The following ST6GALNAC3 variants were observed in gnomAD, a reference collection of about 807,000 sequenced individuals.
ST6GALNAC3 encodes the protein alpha-N-acetylgalactosaminide alpha-2,6-sialyltransferase 3.
Under a neutral mutation model 32.7 loss-of-function variants are expected in ST6GALNAC3, and 25 were observed. The observed-to-expected ratio is 0.76, with a 90% CI of 0.56 to 1.07. ST6GALNAC3 has a LOEUF of 1.07. ST6GALNAC3 is among the 50% of genes least tolerant of loss of function. The pLI, the probability that ST6GALNAC3 is intolerant of heterozygous loss-of-function variation, is 0.00. For missense variants in ST6GALNAC3, 355 were observed against 382.4 expected (o/e 0.93, Z 0.60); for synonymous variants, 129 against 133.1 (o/e 0.97, Z 0.21).
chr1:76,382,629 C>G (rs1332675739), intron 2 of ST6GALNAC3, among the ~76,000 whole-genome samples: 1 of 152,200 alleles, frequency 6.6e-6, no homozygotes, highest in Non-Finnish European at 1.5e-5. Flanking sequence ...ACTTCTGGTG[C>G]TGGTCCCTGA....
chr1:76,600,700 T>TTA (rs1401399020), intron 3 of ST6GALNAC3, among the ~76,000 whole-genome samples: 1 of 152,236 alleles, frequency 6.6e-6, no homozygotes, highest in Non-Finnish European at 1.5e-5. Context: ...GTCAAGGTTA[T>TTA]TATAAAATAA....
intron 1 of ST6GALNAC3, among the ~76,000 whole-genome samples, chr1:76,219,957 T>G (rs1570476517): frequency 6.6e-6 from 1 of 152,218 alleles, no homozygotes; most frequent in African/African-American, 2.4e-5. Flanking sequence ...CTCGTGGTGG[T>G]TGTTATAGAG....
chr1:76,364,888 T>G (rs148292727), intron 2 of ST6GALNAC3, among the ~76,000 whole-genome samples: 2 of 152,318 alleles, frequency 1.3e-5, no homozygotes, highest in East Asian at 3.9e-4. Context: ...GGAATGCAAC[T>G]TAGTTCAGGC....
intron 3 of ST6GALNAC3, among the ~76,000 whole-genome samples, chr1:76,617,981 A>C (rs888587777): frequency 2.0e-5 from 3 of 152,196 alleles, no homozygotes; most frequent in Non-Finnish European, 4.4e-5. Flanking sequence ...AAGTTCTAAA[A>C]TGTGTTTTGA....
Position 76,470,026 on chromosome 1 carries a change from G to A in ST6GALNAC3, c.623+57609G>A, listed in dbSNP as rs538949412. On this transcript the variant is annotated intron_variant, in intron 3 of 4. Coordinates refer to ENST00000328299, the MANE Select transcript of ST6GALNAC3 (RefSeq NM_152996.4). ...TTCAACTACTAAATAAATATCATTA[G>A]TATTATGACTTTAATTGAAGACCAA... is the stretch of plus-strand genomic sequence containing the variant. Among the ~76,000 whole-genome samples the A allele has an allele frequency of 1.2e-4, 18 of 152,110 alleles. No individual in the cohort carries two copies. In the South Asian group the frequency reaches 2.1e-3, roughly 18 times the overall value.
intron 3 of ST6GALNAC3, among the ~76,000 whole-genome samples, chr1:76,448,819 A>G (rs1043535490): frequency 1.7e-4 from 26 of 151,962 alleles, no homozygotes; most frequent in Admixed American, 1.4e-3. Context: ...GCTTTTTCCT[A>G]TATAAATTAC....
chr1:76,165,197 G>A (rs1377081018), intron 1 of ST6GALNAC3, among the ~76,000 whole-genome samples: 2 of 152,054 alleles, frequency 1.3e-5, no homozygotes, highest in Non-Finnish European at 2.9e-5. Context: ...AGGCCCCAGT[G>A]TATGTTGTTC....
At chr1:76,349,952 A>G (rs1648834404) in intron 2 of ST6GALNAC3, among the ~76,000 whole-genome samples, 3 of 152,240 alleles carry the variant, frequency 2.0e-5, no homozygotes, top group South Asian at 2.1e-4. Flanking sequence ...GTTCTATTCT[A>G]TAGATGTATT....
Position 76,074,828 on chromosome 1 carries a change from G to T in ST6GALNAC3, c.-39G>T. ...CCCCAGGACTGCCCCTGACCCAGGC[G>T]CGCCCGCTGCTCGGTGGCAGGAGGG... On this transcript the variant is annotated 5_prime_UTR_variant, in exon 1 of 5. Transcript: ENST00000328299. 1 of 1,569,006 alleles carries T rather than the reference G, an allele frequency of 6.4e-7. No individual in the cohort carries two copies.
chr1:76,342,329 G>A (rs1292051570), intron 2 of ST6GALNAC3, among the ~76,000 whole-genome samples: 2 of 152,178 alleles, frequency 1.3e-5, no homozygotes, highest in African/African-American at 4.8e-5. Flanking sequence ...CCCACCAACA[G>A]TGTAAAAGCA....
chr1:76,562,292 G>A (rs1665287573), intron 3 of ST6GALNAC3, among the ~76,000 whole-genome samples: 1 of 152,164 alleles, frequency 6.6e-6, no homozygotes, highest in Admixed American at 6.5e-5. Context: ...GTCGGGGGAG[G>A]ATCACTAAGT....
chr1:76,592,140 T>C (rs185426448), intron 3 of ST6GALNAC3, among the ~76,000 whole-genome samples: 1 of 152,254 alleles, frequency 6.6e-6, no homozygotes, highest in East Asian at 1.9e-4. Context: ...TAATCAGCTT[T>C]GCTTTATAGA....
chr1:76,273,695 C>A (rs1388083457), intron 1 of ST6GALNAC3, among the ~76,000 whole-genome samples: 9 of 152,152 alleles, frequency 5.9e-5, no homozygotes, highest in African/African-American at 2.2e-4. Flanking sequence ...CATAACGTGG[C>A]ATATCGGTCT....
intron 3 of ST6GALNAC3, among the ~76,000 whole-genome samples, chr1:76,534,635 C>G (rs1025217172): frequency 5.3e-5 from 8 of 152,208 alleles, no homozygotes; most frequent in Non-Finnish European, 1.2e-4. Flanking sequence ...CCCAACACTA[C>G]TTCTGTAGAT....
chr1:76,314,864 C>G (rs867227822), intron 2 of ST6GALNAC3, among the ~76,000 whole-genome samples: 3 of 152,120 alleles, frequency 2.0e-5, no homozygotes, highest in Middle Eastern at 3.4e-3. Context: ...CAGCTCCCAT[C>G]GAAAGGTCAT....
intron 3 of ST6GALNAC3, among the ~76,000 whole-genome samples, chr1:76,484,457 T>C (rs1393847730): frequency 1.3e-5 from 2 of 151,948 alleles, no homozygotes; most frequent in Non-Finnish European, 1.5e-5. Flanking sequence ...AAGTTGGATT[T>C]CTAGGTATTT....
chr1:76,276,034 C>A (rs113258705), intron 1 of ST6GALNAC3, among the ~76,000 whole-genome samples: 4,563 of 152,240 alleles, frequency 0.03, 144 homozygotes, highest in African/African-American at 0.081. Flanking sequence ...TTGCAACCCA[C>A]ATCTTCCAGT....
intron 1 of ST6GALNAC3, among the ~76,000 whole-genome samples, chr1:76,300,860 G>A (rs1660689646): frequency 6.6e-6 from 1 of 152,052 alleles, no homozygotes; most frequent in South Asian, 2.1e-4. Flanking sequence ...GGGGCAGGAC[G>A]GTTTCACAGA....
intron 3 of ST6GALNAC3, among the ~76,000 whole-genome samples, chr1:76,502,023 T>A (rs1165334629): frequency 6.6e-6 from 1 of 152,154 alleles, no homozygotes; most frequent in Non-Finnish European, 1.5e-5. Flanking sequence ...TTCAAAGCCT[T>A]GAGACAAAGG....
Sources: allele counts gnomAD v4.1 joint callset (sites outside exome capture counted in the v4.1 genomes callset), GRCh38; gene constraint gnomAD v4.1.1; transcripts MANE v1.5; gene names NCBI Gene and HGNC (gene_info 2026-07-23, HGNC 2026-07-21).